GAS7: variants seen among roughly 807,000 people sequenced by gnomAD.
The protein encoded by GAS7 is growth arrest-specific protein 7.
Under a neutral mutation model 71.1 loss-of-function variants are expected in GAS7, and 28 were observed. The ratio of observed to expected loss-of-function variants is 0.39; its 90% confidence interval spans 0.29 to 0.54. The LOEUF is 0.54. Among genes scored for constraint, GAS7 ranks in the 20% least tolerant of loss-of-function variants. The probability of loss-of-function intolerance (pLI) is 0.62; values close to 1 mark genes in which losing one functional copy is unlikely to be tolerated. For missense variants in GAS7, 436 were observed against 627.8 expected (o/e 0.69, Z 3.27); for synonymous variants, 258 against 245.8 (o/e 1.05, Z -0.46).
chr17:10,196,764 G>A (rs1022654276), intron 1 of GAS7, among the ~76,000 whole-genome samples: 15 of 152,144 alleles, frequency 9.9e-5, no homozygotes, highest in African/African-American at 3.4e-4. Context: ...CCCAAAATAC[G>A]TATCTATCCC....
At chr17:9,967,140 C>T (rs2069749613) in intron 4 of GAS7, among the ~76,000 whole-genome samples, 2 of 151,246 alleles carry the variant, frequency 1.3e-5, no homozygotes, top group African/African-American at 4.9e-5. Context: ...CTCGCCTCTC[C>T]TGAATTCCCC....
At position 9,914,642 on chromosome 17, in the gene GAS7, T is replaced by C. The variant is rs2067532971; in HGVS notation, c.*2586A>G. Reference sequence around the variant, plus strand: ...AAATCTTGTTGCTGTCTACCTTCCATCCAACAGGTAAATGCCTCACGACGG... The same window carrying C: ...AAATCTTGTTGCTGTCTACCTTCCACCCAACAGGTAAATGCCTCACGACGG... On this transcript the variant is annotated 3_prime_UTR_variant, in exon 14 of 14. Coordinates refer to ENST00000432992, the MANE Select transcript of GAS7 (RefSeq NM_201433.2). 1 of 214,904 alleles carries C rather than the reference T, an allele frequency of 4.7e-6. No homozygotes were observed. Among genetic ancestry groups the C allele is most frequent in the South Asian group, 1.9e-4 (1 of 5,356 alleles). The allele number at this position is 214,904 out of a possible 1,614,324, so 13.3% of individuals were successfully genotyped here.
Position 9,981,576 on chromosome 17 carries a change from A to G in GAS7, c.385+228T>C, listed in dbSNP as rs1335033795. On this transcript the variant is annotated intron_variant, in intron 3 of 13. Coordinates refer to ENST00000432992, the MANE Select transcript of GAS7 (RefSeq NM_201433.2). The surrounding 1 kb of genome is among the most constrained non-coding windows in gnomAD (Gnocchi z 4.4). ...CTCCCCCAGCCATCTCCTCCCACTA[A>G]GCGCCTGAGGAGGAGTGTGCAGGAG... Among the ~76,000 whole-genome samples the G allele has an allele frequency of 6.6e-6, 1 of 151,988 alleles. No homozygotes were observed. Among genetic ancestry groups the G allele is most frequent in the Non-Finnish European group, 1.5e-5 (1 of 67,982 alleles).
At position 9,926,998 on chromosome 17, in the gene GAS7, T is replaced by A. The variant is rs768881622; in HGVS notation, c.886-229A>T. The A allele has an allele frequency of 1.9e-6, 1 of 515,728 alleles. No homozygotes were observed. Among genetic ancestry groups the A allele is most frequent in the Non-Finnish European group, 3.5e-6 (1 of 286,820 alleles). 31.9% of individuals were successfully genotyped at this position (515,728 alleles called of 1,614,324 possible). On this transcript the variant is annotated intron_variant, in intron 9 of 13. Transcript: ENST00000432992. The surrounding 1 kb of genome is among the most constrained non-coding windows in gnomAD (Gnocchi z 5.0). Reference sequence around the variant, plus strand: ...GAGGCCCCCACACACGTCTACAGGATAAGTGGTTAGCAACTAGAGCCTTCT... The same window carrying A: ...GAGGCCCCCACACACGTCTACAGGAAAAGTGGTTAGCAACTAGAGCCTTCT...
intron 1 of GAS7, among the ~76,000 whole-genome samples, chr17:10,156,308 C>T (rs1244202365): frequency 2.0e-5 from 3 of 152,194 alleles, no homozygotes; most frequent in Non-Finnish European, 4.4e-5. Context: ...GGGTGCCCTT[C>T]GCCTGTTTCT....
intron 9 of GAS7, among the ~76,000 whole-genome samples, chr17:9,929,579 G>T (rs187667770): frequency 6.6e-6 from 1 of 151,972 alleles, no homozygotes; most frequent in South Asian, 2.1e-4. Context: ...GGTTCAAGCC[G>T]TTCTCCTGCC....
At chr17:10,066,542 C>T (rs891111109) in intron 1 of GAS7, among the ~76,000 whole-genome samples, 7 of 152,064 alleles carry the variant, frequency 4.6e-5, no homozygotes, top group African/African-American at 1.7e-4. Flanking sequence ...TGCTATATTG[C>T]CCAGGCTGGT....
rs1003510830 is a variant in GAS7 at position 10,072,023 on chromosome 17, G to A, written c.184-52126C>T. On this transcript the variant is annotated intron_variant, in intron 1 of 13. Transcript: ENST00000432992. ...GGTGGACCATACTGCAGGTGCTATC[G>A]ACAGGATGAGGAGAAATGCTGCCAC... 3.3e-5 allele frequency among the ~76,000 whole-genome samples: 5 copies of A among 151,984 alleles called. No homozygotes were observed. In the South Asian group the frequency reaches 6.2e-4, roughly 19 times the overall value.
intron 1 of GAS7, among the ~76,000 whole-genome samples, chr17:10,051,898 G>A (rs1027965819): frequency 1.3e-5 from 2 of 152,128 alleles, no homozygotes; most frequent in African/African-American, 4.8e-5. Context: ...CACATTCACT[G>A]CCTTTATCTC....
intron 1 of GAS7, among the ~76,000 whole-genome samples, chr17:10,074,307 T>C (rs573245901): frequency 6.6e-6 from 1 of 152,310 alleles, no homozygotes; most frequent in East Asian, 1.9e-4. Flanking sequence ...CCACAAACTT[T>C]GCATTTATAG....
At chr17:10,052,323 T>C (rs992951607) in intron 1 of GAS7, among the ~76,000 whole-genome samples, 1 of 152,224 alleles carries the variant, frequency 6.6e-6, no homozygotes, top group Non-Finnish European at 1.5e-5. Flanking sequence ...TGCCAAGGCC[T>C]TGATCATCAA....
chr17:9,946,538 C>T (rs970337888), intron 6 of GAS7, among the ~76,000 whole-genome samples: 2 of 152,180 alleles, frequency 1.3e-5, no homozygotes, highest in Non-Finnish European at 2.9e-5. Context: ...AGCACTTGTC[C>T]AACGTCACTC....
intron 1 of GAS7, among the ~76,000 whole-genome samples, chr17:10,023,851 C>A (rs923575216): frequency 6.6e-6 from 1 of 152,114 alleles, no homozygotes; most frequent in African/African-American, 2.4e-5. Context: ...TGGCTGGGCA[C>A]GGTGGCTCAC....
rs192249712 is a variant in GAS7 at position 10,191,857 on chromosome 17, A to G, written c.183+6351T>C. 8.9e-5 allele frequency among the ~76,000 whole-genome samples: 13 copies of G among 145,464 alleles called. No homozygotes were observed. The East Asian group carries it at 2.2e-3, about 25-fold the overall frequency. Reference sequence around the variant, plus strand: ...GCCACTGCACTCCAGCCTGGGCAACAAAGCAAGACTCCATCTCAAAAAAAA... The same window carrying G: ...GCCACTGCACTCCAGCCTGGGCAACGAAGCAAGACTCCATCTCAAAAAAAA... On this transcript the variant is annotated intron_variant, in intron 1 of 13. Coordinates refer to ENST00000432992, the MANE Select transcript of GAS7 (RefSeq NM_201433.2).
intron 2 of GAS7, among the ~76,000 whole-genome samples, chr17:9,987,451 T>C (rs1308834705): frequency 6.6e-6 from 1 of 152,246 alleles, no homozygotes. Flanking sequence ...GATGTTAATC[T>C]TCTCCTCAGC....
intron 1 of GAS7, among the ~76,000 whole-genome samples, chr17:10,161,670 T>C (rs1440902196): frequency 6.6e-6 from 1 of 152,212 alleles, no homozygotes; most frequent in Non-Finnish European, 1.5e-5. Context: ...CATTAACTAT[T>C]ACATTTAAAT....
chr17:10,177,939 C>A (rs2074385182), intron 1 of GAS7, among the ~76,000 whole-genome samples: 1 of 152,134 alleles, frequency 6.6e-6, no homozygotes, highest in Non-Finnish European at 1.5e-5. Context: ...AACCAGAACA[C>A]CGGCCGCATT....
At chr17:10,084,149 T>A (rs537919451) in intron 1 of GAS7, among the ~76,000 whole-genome samples, 1 of 151,948 alleles carries the variant, frequency 6.6e-6, no homozygotes, top group African/African-American at 2.4e-5. Flanking sequence ...GCCTGGGCAA[T>A]AGAGCGAGAC....
At chr17:10,038,944 A>T (rs1332797250) in intron 1 of GAS7, among the ~76,000 whole-genome samples, 3 of 152,178 alleles carry the variant, frequency 2.0e-5, no homozygotes, top group Admixed American at 6.5e-5. Context: ...GCCAGACACA[A>T]AGGGACAAAT....
Sources: gnomAD v4.1 joint callset for allele counts (sites outside exome capture counted in the v4.1 genomes callset) on GRCh38, gnomAD v4.1.1 for gene constraint, Gnocchi (gnomAD v3.1) non-coding constraint, MANE v1.5 for transcripts, NCBI Gene and HGNC (gene_info 2026-07-23, HGNC 2026-07-21) for gene names.